Variants in ARHGAP5 observed in about 807,000 individuals in gnomAD.
ARHGAP5 encodes Rho GTPase activating protein 5, also known as rho GTPase-activating protein 5.
A neutral mutation model predicts 116.6 loss-of-function variants in ARHGAP5; 23 were observed. The observed-to-expected ratio is 0.20, with a 90% CI of 0.14 to 0.28. The LOEUF (loss-of-function observed/expected upper bound fraction) is 0.28. Ranked by LOEUF, ARHGAP5 falls within the 10% of genes least tolerant of loss-of-function variation. ARHGAP5 has a pLI of 1.00. For missense variants in ARHGAP5, 1,405 were observed against 1,774.8 expected (o/e 0.79, Z 3.74); for synonymous variants, 574 against 602.0 (o/e 0.95, Z 0.68).
At chr14:32,103,505 G>A (rs114007277) in intron 2 of ARHGAP5, among the ~76,000 whole-genome samples, 2,174 of 152,240 alleles carry the variant, frequency 0.014, 45 homozygotes, top group African/African-American at 0.048. Flanking sequence ...GATTATTGAA[G>A]TTACTCATTT....
intron 1 of ARHGAP5, among the ~76,000 whole-genome samples, chr14:32,087,738 C>T (rs2041844266): frequency 6.6e-6 from 1 of 152,030 alleles, no homozygotes; most frequent in Non-Finnish European, 1.5e-5. Flanking sequence ...ATGTTCCTCC[C>T]TGTATCTAAT....
chr14:32,131,252 CT>C (rs71441705), intron 3 of ARHGAP5, among the ~76,000 whole-genome samples: 8,856 of 103,828 alleles, frequency 0.085, 720 homozygotes, highest in African/African-American at 0.24. Flanking sequence ...TGTCATACTT[CT>C]TTTTTTTTTT....
At chr14:32,132,900 A>G (rs1880579927) in intron 3 of ARHGAP5, among the ~76,000 whole-genome samples, 1 of 152,090 alleles carries the variant, frequency 6.6e-6, no homozygotes, top group African/African-American at 2.4e-5. Context: ...AGTTGTAGAT[A>G]TGTGGCATTA....
At chr14:32,102,429 A>G (rs776787955) in intron 2 of ARHGAP5, among the ~76,000 whole-genome samples, 5 of 152,168 alleles carry the variant, frequency 3.3e-5, no homozygotes, top group Non-Finnish European at 7.4e-5. Context: ...AAAATGTAAA[A>G]TCTCAGCTGG....
chr14:32,110,062 A>T (rs116745025), intron 2 of ARHGAP5, among the ~76,000 whole-genome samples: 274 of 152,218 alleles, frequency 1.8e-3, no homozygotes, highest in African/African-American at 5.9e-3. Flanking sequence ...AATTAAGCTC[A>T]TTATTTTAGA....
At chr14:32,114,402 C>T (rs187019215) in intron 2 of ARHGAP5, among the ~76,000 whole-genome samples, 1 of 152,220 alleles carries the variant, frequency 6.6e-6, no homozygotes, top group Admixed American at 6.5e-5. Context: ...GCCAGTGTAC[C>T]CCTGCCTCAA....
chr14:32,152,091 C>T (rs1881660896), intron 5 of ARHGAP5, among the ~76,000 whole-genome samples: 1 of 152,122 alleles, frequency 6.6e-6, no homozygotes, highest in Admixed American at 6.5e-5. Context: ...ATTAGATTCT[C>T]CTAGGAGTGG....
intron 2 of ARHGAP5, among the ~76,000 whole-genome samples, chr14:32,115,130 G>GAC (rs763153853): frequency 8.5e-5 from 13 of 152,164 alleles, no homozygotes; most frequent in Non-Finnish European, 1.6e-4. Flanking sequence ...GATGTGCACA[G>GAC]TAGAGTCATC....
At chr14:32,140,440 AGCC>A (rs1448145433) in intron 3 of ARHGAP5, among the ~76,000 whole-genome samples, 2 of 151,266 alleles carry the variant, frequency 1.3e-5, no homozygotes, top group Non-Finnish European at 2.9e-5. Flanking sequence ...AAAAAAAATT[AGCC>A]AGGTGTGTTG....
intron 2 of ARHGAP5, among the ~76,000 whole-genome samples, chr14:32,108,228 C>T (rs1369170336): frequency 6.6e-6 from 1 of 152,038 alleles, no homozygotes; most frequent in Admixed American, 6.6e-5. Context: ...CAAGAAGTTT[C>T]GCTGTGAAAG....
intron 3 of ARHGAP5, among the ~76,000 whole-genome samples, chr14:32,134,243 G>A (rs1181452500): frequency 2.0e-5 from 3 of 151,546 alleles, no homozygotes; most frequent in Non-Finnish European, 4.4e-5. Context: ...GCCTTTTTTT[G>A]CAGAATATTC....
At chr14:32,097,888 C>T (rs1168119859) in intron 2 of ARHGAP5, among the ~76,000 whole-genome samples, 1 of 152,106 alleles carries the variant, frequency 6.6e-6, no homozygotes, top group Non-Finnish European at 1.5e-5. Context: ...GACAGATTAT[C>T]AAGTCCCCAG....
chr14:32,115,929 A>C (rs539753165), intron 2 of ARHGAP5, among the ~76,000 whole-genome samples: 1 of 150,444 alleles, frequency 6.6e-6, no homozygotes, highest in Non-Finnish European at 1.5e-5. Flanking sequence ...CGGGAGGCGG[A>C]GGTTGCAGTG....
chr14:32,132,817 T>A (rs1000790037), intron 3 of ARHGAP5, among the ~76,000 whole-genome samples: 3 of 152,228 alleles, frequency 2.0e-5, no homozygotes, highest in Non-Finnish European at 4.4e-5. Context: ...TAGCCAGTTT[T>A]CCCAGCACCA....
chr14:32,143,270 A>G (rs1881221246), intron 3 of ARHGAP5, among the ~76,000 whole-genome samples: 1 of 149,434 alleles, frequency 6.7e-6, no homozygotes, highest in Admixed American at 6.6e-5. Flanking sequence ...TGAGACGGAG[A>G]CTTGCTCTTT....
intron 2 of ARHGAP5, among the ~76,000 whole-genome samples, chr14:32,109,631 A>G (rs1230592923): frequency 6.6e-6 from 1 of 152,090 alleles, no homozygotes; most frequent in Non-Finnish European, 1.5e-5. Flanking sequence ...TACATTTTTC[A>G]TATCATAAAT....
chr14:32,146,565 G>T (rs1399515141), intron 4 of ARHGAP5, among the ~76,000 whole-genome samples: 9 of 152,154 alleles, frequency 5.9e-5, no homozygotes, highest in Non-Finnish European at 1.3e-4. Context: ...GGAAGTCACT[G>T]ATTACTTTTA....
intron 3 of ARHGAP5, among the ~76,000 whole-genome samples, chr14:32,139,871 C>CTTTTTGT (rs1180956151): frequency 6.7e-6 from 1 of 148,504 alleles, no homozygotes; most frequent in Non-Finnish European, 1.5e-5. Context: ...GTATATTGTT[C>CTTTTTGT]TTTTTGTTCA....
chr14:32,152,612 T>C, intron 6 of ARHGAP5, 84 bp downstream of exon 6: 1 of 745,612 alleles, frequency 1.3e-6, no homozygotes, highest in South Asian at 2.1e-5. Context: ...TGGATAATTA[T>C]CAGATAGAAA....
Sources: allele counts gnomAD v4.1 joint callset (sites outside exome capture counted in the v4.1 genomes callset), GRCh38; gene constraint gnomAD v4.1.1; transcripts MANE v1.5; gene names NCBI Gene and HGNC (gene_info 2026-07-23, HGNC 2026-07-21).